ESRRG: variants seen among roughly 807,000 people sequenced by gnomAD.
ESRRG encodes the protein estrogen-related receptor gamma.
In ESRRG, 13 loss-of-function variants were observed where a neutral mutation model predicts 44.0. The observed-to-expected ratio is 0.30, with a 90% confidence interval of 0.19 to 0.47. The LOEUF is 0.47. Ranked by LOEUF, ESRRG falls within the 20% of genes least tolerant of loss-of-function variation. ESRRG has a pLI of 1.00. For missense variants in ESRRG, 395 were observed against 580.6 expected (o/e 0.68, Z 3.29); for synonymous variants, 215 against 214.6 (o/e 1.00, Z -0.02).
intron 1 of ESRRG, among the ~76,000 whole-genome samples, chr1:216,955,414 T>C (rs2067769391): frequency 1.3e-5 from 2 of 152,192 alleles, no homozygotes; most frequent in Non-Finnish European, 2.9e-5. Flanking sequence ...TGTGTTGATA[T>C]ACCACACTTT....
chr1:216,775,801 G>A (rs1220865515), intron 2 of ESRRG, among the ~76,000 whole-genome samples: 2 of 151,720 alleles, frequency 1.3e-5, no homozygotes. Flanking sequence ...CTGGGCTCAA[G>A]TAATCCGCCT....
intron 2 of ESRRG, among the ~76,000 whole-genome samples, chr1:216,777,730 A>G (rs899173070): frequency 6.6e-6 from 1 of 152,146 alleles, no homozygotes; most frequent in Admixed American, 6.6e-5. Context: ...AGTAATCCAC[A>G]TTCCTTTCTC....
chr1:217,083,950 C>G (rs766105786), intron 1 of ESRRG, among the ~76,000 whole-genome samples: 2 of 152,088 alleles, frequency 1.3e-5, no homozygotes, highest in African/African-American at 4.8e-5. Context: ...TTTCTGCAAC[C>G]TTACATTTTC....
rs953066751 is a variant in ESRRG, at chr1:217,021,359, A to T, written c.-106+68148T>A. Reference sequence around the variant, plus strand: ...ACTGGCTCCTGCAGGGATCAAACCCATGACCAATCTCATTAACACTCTGCT... The same window carrying T: ...ACTGGCTCCTGCAGGGATCAAACCCTTGACCAATCTCATTAACACTCTGCT... On this transcript the variant is annotated intron_variant, in intron 1 of 7. Coordinates refer to the ESRRG transcript ENST00000359162. Among the ~76,000 whole-genome samples, 9 of 152,282 alleles carry T rather than the reference A, an allele frequency of 5.9e-5. No homozygotes were observed. The South Asian group carries it at 6.2e-4, about 11-fold the overall frequency.
chr1:216,661,954 G>A (rs182494318), intron 2 of ESRRG, among the ~76,000 whole-genome samples: 3 of 152,234 alleles, frequency 2.0e-5, no homozygotes, highest in East Asian at 1.9e-4. Context: ...ACCATTTTCC[G>A]TGTGACTTTG....
At chr1:216,748,962 G>A (rs2091724670) in intron 2 of ESRRG, among the ~76,000 whole-genome samples, 1 of 151,926 alleles carries the variant, frequency 6.6e-6, no homozygotes, top group African/African-American at 2.4e-5. Flanking sequence ...AGTTGCCTAC[G>A]GTCGACGTAG....
intron 1 of ESRRG, among the ~76,000 whole-genome samples, chr1:216,695,751 T>C (rs958492495): frequency 1.3e-5 from 2 of 152,192 alleles, no homozygotes; most frequent in African/African-American, 4.8e-5. Context: ...TTTATGGCAT[T>C]AGTTTAAATA....
chr1:217,039,696 T>C (rs2083500249), intron 1 of ESRRG, among the ~76,000 whole-genome samples: 2 of 152,212 alleles, frequency 1.3e-5, no homozygotes, highest in African/African-American at 4.8e-5. Flanking sequence ...ATTCACTAAA[T>C]CCATTATAAG....
intron 3 of ESRRG, among the ~76,000 whole-genome samples, chr1:216,621,499 A>G (rs1231747311): frequency 1.3e-5 from 2 of 152,158 alleles, no homozygotes; most frequent in African/African-American, 2.4e-5. Flanking sequence ...TGTGATGGTA[A>G]AGCCACGCCC....
intron 1 of ESRRG, among the ~76,000 whole-genome samples, chr1:217,047,125 G>A (rs1424492420): frequency 6.6e-6 from 1 of 152,020 alleles, no homozygotes; most frequent in African/African-American, 2.4e-5. Context: ...CTACCATGAA[G>A]TGGTTGTATC....
chr1:216,945,024 T>G (rs1040584661), intron 1 of ESRRG, among the ~76,000 whole-genome samples: 4 of 152,178 alleles, frequency 2.6e-5, no homozygotes, highest in African/African-American at 9.7e-5. Flanking sequence ...ACACTTCTGA[T>G]GATTAATTAA....
At chr1:216,725,780 A>G (rs1371739696), upstream of ESRRG, among the ~76,000 whole-genome samples, 12 of 152,180 alleles carry the variant, frequency 7.9e-5, no homozygotes, top group Admixed American at 3.9e-4. Context: ...AATGTACTCA[A>G]TGCATCTTAA....
At chr1:217,053,133 T>TAAAAAA (rs71303007) in intron 1 of ESRRG, among the ~76,000 whole-genome samples, 37 of 119,002 alleles carry the variant, frequency 3.1e-4, no homozygotes, top group Non-Finnish European at 3.7e-4. Flanking sequence ...AATCCCATCT[T>TAAAAAA]AAAAAAAAAA....
intron 1 of ESRRG, among the ~76,000 whole-genome samples, chr1:216,945,459 A>C (rs2065915297): frequency 6.6e-6 from 1 of 152,172 alleles, no homozygotes; most frequent in Admixed American, 6.6e-5. Context: ...ACAAAGATTT[A>C]GCTATTGGAA....
chr1:216,685,337 A>C (rs1216280381), intron 1 of ESRRG, among the ~76,000 whole-genome samples: 2 of 152,216 alleles, frequency 1.3e-5, no homozygotes, highest in Non-Finnish European at 2.9e-5. Context: ...GAGGTTTACT[A>C]TGCCATGAGC....
intron 2 of ESRRG, among the ~76,000 whole-genome samples, chr1:216,668,353 T>C (rs2074424036): frequency 6.6e-6 from 1 of 152,204 alleles, no homozygotes; most frequent in South Asian, 2.1e-4. Flanking sequence ...GATAGGCTCT[T>C]ACGTAGTGTC....
At chr1:217,032,152 C>T (rs1023897090) in intron 1 of ESRRG, among the ~76,000 whole-genome samples, 1 of 152,188 alleles carries the variant, frequency 6.6e-6, no homozygotes, top group Non-Finnish European at 1.5e-5. Flanking sequence ...ATACTAATCA[C>T]ATTTTTTAAA....
chr1:216,885,646 T>C (rs185446890), intron 2 of ESRRG, among the ~76,000 whole-genome samples: 2 of 152,284 alleles, frequency 1.3e-5, no homozygotes, highest in East Asian at 1.9e-4. Context: ...ATTCATCAAT[T>C]TTAATTTCAT....
At position 216,528,413 on chromosome 1, in the gene ESRRG, A is replaced by G. The variant is rs73106540; in HGVS notation, c.863-8992T>C. On this transcript the variant is annotated intron_variant, in intron 5 of 6. Transcript: ENST00000408911. Reference sequence around the variant, plus strand: ...TTATATTTATAAGTAACCATTCACAACAGACTTCATGATAATGTCACAATT... The same window carrying G: ...TTATATTTATAAGTAACCATTCACAGCAGACTTCATGATAATGTCACAATT... Among the ~76,000 whole-genome samples, 224 of 152,264 alleles carry G rather than the reference A, an allele frequency of 1.5e-3. 1 individual carries two copies. The highest frequency in any genetic ancestry group is 5.1e-3 in the African/African-American group (210 of 41,564).
Sources: gnomAD v4.1 joint callset for allele counts (sites outside exome capture counted in the v4.1 genomes callset) on GRCh38, gnomAD v4.1.1 for gene constraint, MANE v1.5 for transcripts, NCBI Gene and HGNC (gene_info 2026-07-23, HGNC 2026-07-21) for gene names.